NAALADL2: variants seen among roughly 807,000 people sequenced by gnomAD.
NAALADL2 encodes inactive N-acetylated-alpha-linked acidic dipeptidase-like protein 2.
NAALADL2 carries 76 observed loss-of-function variants against 87.2 expected under a neutral mutation model. The ratio of observed to expected loss-of-function variants is 0.87; its 90% CI spans 0.72 to 1.05. NAALADL2 has a LOEUF of 1.05. Ranked by LOEUF, NAALADL2 falls within the 50% of genes least tolerant of loss-of-function variation. The pLI, the probability that NAALADL2 is intolerant of heterozygous loss-of-function variation, is 0.00. For missense variants in NAALADL2, 1,089 were observed against 945.8 expected (o/e 1.15, Z -1.99); for synonymous variants, 354 against 331.0 (o/e 1.07, Z -0.75).
At chr3:174,518,669 C>T (rs73882415) in intron 1 of NAALADL2, among the ~76,000 whole-genome samples, 4,780 of 152,200 alleles carry the variant, frequency 0.031, 237 homozygotes, top group African/African-American at 0.11. Context: ...TCTTTATATT[C>T]CATGTTTTAG....
At chr3:175,329,627 T>G (rs1409454961) in intron 5 of NAALADL2, among the ~76,000 whole-genome samples, 1 of 152,068 alleles carries the variant, frequency 6.6e-6, no homozygotes, top group Non-Finnish European at 1.5e-5. Flanking sequence ...TGTCACTTGG[T>G]TGGGGAAAAT....
At chr3:175,665,376 T>G (rs891060158) in intron 11 of NAALADL2, among the ~76,000 whole-genome samples, 19 of 152,300 alleles carry the variant, frequency 1.2e-4, no homozygotes, top group African/African-American at 4.3e-4. Context: ...TATAAAAATT[T>G]CCAAACCAAA....
chr3:174,896,739 C>T (rs545753712), intron 1 of NAALADL2, among the ~76,000 whole-genome samples: 23 of 152,160 alleles, frequency 1.5e-4, no homozygotes, highest in Admixed American at 1.1e-3. Context: ...GCAAAAATAA[C>T]GAAACTGGAC....
In NAALADL2 at chr3:175,777,218, A is replaced by G. The variant is rs183787150; in HGVS notation, c.2189+21800A>G. Among the ~76,000 whole-genome samples, 627 of 151,946 alleles carry G rather than the reference A, an allele frequency of 4.1e-3. 4 individuals carry two copies. The highest frequency in any genetic ancestry group is 0.021 in the South Asian group (102 of 4,816). On this transcript the variant is annotated intron_variant, in intron 13 of 13. Coordinates refer to ENST00000454872, the MANE Select transcript of NAALADL2 (RefSeq NM_207015.3). The stretch of plus-strand genomic sequence containing the variant: ...GAGTTTCAAATTTAGCTCCTGTTGG[A>G]ATATTGTTTTAAAATAAATCCAAAA...
chr3:174,531,859 A>T (rs1380873453), intron 1 of NAALADL2, among the ~76,000 whole-genome samples: 1 of 152,198 alleles, frequency 6.6e-6, no homozygotes, highest in Non-Finnish European at 1.5e-5. Context: ...GTGGTTCATA[A>T]GACATCTCAT....
intron 2 of NAALADL2, among the ~76,000 whole-genome samples, chr3:174,630,031 C>G (rs1293263012): frequency 6.6e-6 from 1 of 152,068 alleles, no homozygotes; most frequent in Non-Finnish European, 1.5e-5. Flanking sequence ...TATATTATGG[C>G]ATAGTACTTA....
chr3:175,158,179 C>G (rs1732602962), intron 2 of NAALADL2, among the ~76,000 whole-genome samples: 1 of 152,010 alleles, frequency 6.6e-6, no homozygotes, highest in Admixed American at 6.6e-5. Flanking sequence ...AAGGTACACT[C>G]AGAGTCTAGC....
At chr3:174,617,653 T>A (rs574816189) in intron 2 of NAALADL2, among the ~76,000 whole-genome samples, 2 of 151,832 alleles carry the variant, frequency 1.3e-5, no homozygotes, top group Admixed American at 6.6e-5. Context: ...TCATTTTTCT[T>A]CTATGATAGA....
chr3:174,683,055 T>C (rs12496282), intron 2 of NAALADL2, among the ~76,000 whole-genome samples: 13,512 of 152,054 alleles, frequency 0.089, 849 homozygotes, highest in South Asian at 0.28. Context: ...CAAATACACT[T>C]AACAAAGAGA....
At chr3:174,690,980 T>G (rs1234668482) in intron 2 of NAALADL2, among the ~76,000 whole-genome samples, 1 of 152,226 alleles carries the variant, frequency 6.6e-6, no homozygotes, top group Non-Finnish European at 1.5e-5. Flanking sequence ...AAATTGACTT[T>G]GCTTGTGTTA....
At chr3:175,428,167 A>T (rs983105568) in intron 5 of NAALADL2, among the ~76,000 whole-genome samples, 8 of 152,106 alleles carry the variant, frequency 5.3e-5, no homozygotes, top group Non-Finnish European at 1.0e-4. Flanking sequence ...TATTTATAAA[A>T]AAACTACCTG....
chr3:174,962,416 T>TATATATATATGTCATAGTGACTATGAC (rs1742223463), intron 1 of NAALADL2, among the ~76,000 whole-genome samples: 1 of 59,882 alleles, frequency 1.7e-5, no homozygotes, highest in African/African-American at 3.8e-5. Context: ...CTATGACATA[T>TATATATATATGTCATAGTGACTATGAC]ATATATATAT....
intron 2 of NAALADL2, among the ~76,000 whole-genome samples, chr3:174,633,001 A>C (rs1054793726): frequency 1.3e-5 from 2 of 151,696 alleles, no homozygotes; most frequent in East Asian, 1.9e-4. Flanking sequence ...AAGTACAGTA[A>C]GTGCTTAATG....
At chr3:175,075,533 A>G (rs1371268862) in intron 1 of NAALADL2, among the ~76,000 whole-genome samples, 5 of 152,296 alleles carry the variant, frequency 3.3e-5, no homozygotes, top group Non-Finnish European at 2.9e-5. Flanking sequence ...CATTAAAACA[A>G]TGTTCCATTT....
chr3:175,365,951 T>C (rs1370815075), intron 5 of NAALADL2, among the ~76,000 whole-genome samples: 1 of 143,366 alleles, frequency 7.0e-6, no homozygotes, highest in Admixed American at 7.2e-5. Flanking sequence ...ACATGTGCCA[T>C]GCTAGTGTGC....
chr3:174,943,281 G>C (rs1354046536), intron 1 of NAALADL2, among the ~76,000 whole-genome samples: 1 of 152,138 alleles, frequency 6.6e-6, no homozygotes, highest in African/African-American at 2.4e-5. Context: ...CTTGTCTCTG[G>C]TTTCAGAGGG....
At chr3:175,035,682 A>C (rs1250532772) in intron 1 of NAALADL2, among the ~76,000 whole-genome samples, 1 of 152,216 alleles carries the variant, frequency 6.6e-6, no homozygotes, top group Non-Finnish European at 1.5e-5. Flanking sequence ...GCCTTTAAAA[A>C]TTCAGACATC....
intron 2 of NAALADL2, among the ~76,000 whole-genome samples, chr3:174,711,448 C>T (rs1400712387): frequency 1.3e-5 from 2 of 152,180 alleles, no homozygotes. Flanking sequence ...TACACTTCCA[C>T]ATATAGTTAA....
intron 10 of NAALADL2, among the ~76,000 whole-genome samples, chr3:175,588,138 A>T (rs1006476789): frequency 9.9e-5 from 15 of 152,242 alleles, no homozygotes; most frequent in African/African-American, 3.6e-4. Context: ...TGAGTATGCC[A>T]AAAGACAGTA....
Sources: gnomAD v4.1 joint callset for allele counts (sites outside exome capture counted in the v4.1 genomes callset) on GRCh38, gnomAD v4.1.1 for gene constraint, MANE v1.5 for transcripts, NCBI Gene and HGNC (gene_info 2026-07-23, HGNC 2026-07-21) for gene names.